Variants in TMEM9 observed in about 807,000 individuals in gnomAD.
The protein encoded by TMEM9 is transmembrane protein 9.
TMEM9 carries 13 observed loss-of-function variants against 22.8 expected under a neutral mutation model. The observed-to-expected ratio is 0.57, with a 90% CI of 0.37 to 0.91. The LOEUF (loss-of-function observed/expected upper bound fraction) is 0.91. Among genes scored for constraint, TMEM9 ranks in the 40% least tolerant of loss-of-function variants. The pLI is 0.01. For missense variants in TMEM9, 182 were observed against 238.1 expected, an observed-to-expected ratio of 0.76 and a Z score of 1.55; for synonymous variants, 88 against 93.0, an observed-to-expected ratio of 0.95 and a Z score of 0.31.
At position 201,135,413 on chromosome 1, in the gene TMEM9, T is replaced by C; in HGVS notation, c.*250A>G. 2.7e-6 allele frequency: 1 copy of C among 376,452 alleles called. No individual in the cohort carries two copies. The allele number at this position is 376,452 out of a possible 1,614,324, so 23.3% of individuals were successfully genotyped here. On this transcript the variant is annotated 3_prime_UTR_variant, in exon 5 of 5. Transcript: ENST00000367330. ...CGCCTCGAATGTCTCCATTCCCTTC[T>C]GGCCTGCCTTCCCCCTCCCTTCAAC...
intron 4 of TMEM9, among the ~76,000 whole-genome samples, chr1:201,143,551 C>T (rs1664708412): frequency 6.6e-6 from 1 of 152,230 alleles, no homozygotes; most frequent in Admixed American, 6.5e-5. Context: ...GCTGGCTGCG[C>T]CCCCTCTGCC....
intron 1 of TMEM9, among the ~76,000 whole-genome samples, chr1:201,165,686 C>T (rs1350227997): frequency 3.3e-5 from 5 of 152,268 alleles, no homozygotes; most frequent in East Asian, 1.9e-4. Context: ...CCTCCCAGCT[C>T]GGCCTCCCAA....
At chr1:201,161,144 A>AT (rs889000878) in intron 1 of TMEM9, among the ~76,000 whole-genome samples, 65 of 150,932 alleles carry the variant, frequency 4.3e-4, no homozygotes, top group Non-Finnish European at 6.2e-4. Context: ...AGTGGCATTA[A>AT]TTTTTTTTTT....
chr1:201,135,944 C>G, intron 4 of TMEM9, 129 bp from the exon 5 acceptor site: 1 of 935,860 alleles, frequency 1.1e-6, no homozygotes, highest in Non-Finnish European at 1.5e-6. Flanking sequence ...CTGGGCCTCC[C>G]CAAGTGCTGC....
intron 2 of TMEM9, among the ~76,000 whole-genome samples, chr1:201,148,665 A>C (rs1453443668): frequency 1.3e-5 from 2 of 152,238 alleles, no homozygotes; most frequent in African/African-American, 4.8e-5. Flanking sequence ...TTTCTGGCAG[A>C]AGCATCAAGG....
chr1:201,167,334 A>G (rs1177264907), intron 1 of TMEM9, among the ~76,000 whole-genome samples: 1 of 152,180 alleles, frequency 6.6e-6, no homozygotes. Context: ...GCAGGGGGCT[A>G]GGGCATGGGG....
chr1:201,165,180 T>C (rs1306659773), intron 1 of TMEM9, among the ~76,000 whole-genome samples: 1 of 108,828 alleles, frequency 9.2e-6, no homozygotes, highest in East Asian at 2.1e-4. Context: ...ATATATATAT[T>C]CATTATCATG....
chr1:201,163,686 C>A (rs1287538296), intron 1 of TMEM9, among the ~76,000 whole-genome samples: 2 of 151,722 alleles, frequency 1.3e-5, no homozygotes, highest in Non-Finnish European at 2.9e-5. Flanking sequence ...AACTATGTAT[C>A]TATCAGAATG....
intron 3 of TMEM9, 85 bp from the exon 4 acceptor site, chr1:201,144,036 G>A (rs758963692): frequency 9.9e-5 from 148 of 1,490,902 alleles, no homozygotes; most frequent in Admixed American, 1.5e-4. Context: ...ATCTGTGTCC[G>A]GCTGGCAGTG....
Position 201,135,771 on chromosome 1 carries a change from G to T in TMEM9, c.444C>A (p.Pro148=). The T allele has an allele frequency of 6.2e-7, 1 of 1,612,994 alleles. No individual in the cohort carries two copies. Among genetic ancestry groups the T allele is most frequent in the Non-Finnish European group, 8.5e-7 (1 of 1,179,530 alleles). The change falls in exon 5 of 5, where the codon CCC becomes CCA. Residue 148 remains proline, a synonymous_variant. Transcript: ENST00000367330. ...MAAAAASLGG[P]RANTVLERVE... ...CACGCTCCAGGACTGTGTTTGCTCGGGGTCCCCCGAGGGATGCAGCAGCTG... is the reference window on the plus strand; with the variant it reads ...CACGCTCCAGGACTGTGTTTGCTCGTGGTCCCCCGAGGGATGCAGCAGCTG...
intron 2 of TMEM9, among the ~76,000 whole-genome samples, chr1:201,148,398 A>C (rs1470268536): frequency 6.6e-6 from 1 of 151,810 alleles, no homozygotes; most frequent in African/African-American, 2.4e-5. Context: ...AAAGCAAAAA[A>C]CTCTACAGAA....
intron 1 of TMEM9, among the ~76,000 whole-genome samples, chr1:201,159,897 G>C (rs1298719705): frequency 1.3e-5 from 2 of 152,106 alleles, no homozygotes; most frequent in Non-Finnish European, 2.9e-5. Context: ...ACCAGCAGTT[G>C]CCCATTAGCT....
At chr1:201,164,991 C>G (rs997948084) in intron 1 of TMEM9, among the ~76,000 whole-genome samples, 3 of 151,392 alleles carry the variant, frequency 2.0e-5, no homozygotes, top group South Asian at 2.1e-4. Flanking sequence ...CATGTCAGGC[C>G]CAATTGGATG....
At chr1:201,149,247 G>T (rs72751128) in intron 2 of TMEM9, among the ~76,000 whole-genome samples, 9,428 of 152,248 alleles carry the variant, frequency 0.062, 427 homozygotes, top group Non-Finnish European at 0.092. Flanking sequence ...ATTTATAAAT[G>T]GAGACTGAAC....
At chr1:201,153,279 A>G (rs1352638637) in intron 1 of TMEM9, among the ~76,000 whole-genome samples, 4 of 152,232 alleles carry the variant, frequency 2.6e-5, no homozygotes, top group African/African-American at 9.6e-5. Flanking sequence ...ATTGTCAGGA[A>G]TGGTGGTGAT....
rs78513844 is a variant in TMEM9, at chr1:201,135,043, G to T, written c.*620C>A. The T allele has an allele frequency of 6.5e-3, 999 of 152,860 alleles. 6 individuals carry two copies. The highest frequency in any genetic ancestry group is 9.4e-3 in the Non-Finnish European group (640 of 68,090). 9.5% of individuals were successfully genotyped at this position (152,860 alleles called of 1,614,324 possible). ...AGGGGACCGGCAGCAGAGTATGCAT[G>T]GGCACTCCATGCCCCAGTGCGAGAA... On this transcript the variant is annotated 3_prime_UTR_variant, in exon 5 of 5. Coordinates refer to ENST00000367330, the MANE Select transcript of TMEM9 (RefSeq NM_001288565.2).
upstream of TMEM9, chr1:201,154,519 C>T (rs994417195): frequency 5.2e-5 from 8 of 152,564 alleles, no homozygotes; most frequent in African/African-American, 1.4e-4. Flanking sequence ...GCCAGAGCAG[C>T]CCCTTAACCC....
Position 201,146,776 on chromosome 1 carries a change from C to T in TMEM9, c.231G>A (p.Glu77=), listed in dbSNP as rs374734589. Residue 77 remains glutamate (E), a synonymous_variant, in exon 3 of 5, where the codon GAG becomes GAA. Coordinates refer to ENST00000367330, the MANE Select transcript of TMEM9 (RefSeq NM_001288565.2). The part of the protein sequence containing the change: ...HDVEAYCLLC[E]CRYEERSTTT... ...TGGTGCTGCGCTCCTCGTACCTGCA[C>T]TCGCACAGCAGGCAGTAGGCCTCCA... is the stretch of plus-strand genomic sequence containing the variant. 6.2e-7 allele frequency: 1 copy of T among 1,614,254 alleles called. No individual in the cohort carries two copies. Among genetic ancestry groups the T allele is most frequent in the African/African-American group, 1.3e-5 (1 of 75,070 alleles).
intron 4 of TMEM9, among the ~76,000 whole-genome samples, chr1:201,138,733 G>A (rs1042398223): frequency 6.6e-6 from 1 of 152,224 alleles, no homozygotes; most frequent in Non-Finnish European, 1.5e-5. Flanking sequence ...TGGCAAATGG[G>A]TAAAACCATC....
Sources: gnomAD v4.1 joint callset for allele counts (sites outside exome capture counted in the v4.1 genomes callset) on GRCh38, gnomAD v4.1.1 for gene constraint, MANE v1.5 for transcripts, NCBI Gene and HGNC (gene_info 2026-07-23, HGNC 2026-07-21) for gene names.